CLEC16A: variants seen among roughly 807,000 people sequenced by gnomAD.
CLEC16A encodes protein CLEC16A.
Under a neutral mutation model 109.5 loss-of-function variants are expected in CLEC16A, and 51 were observed. The observed-to-expected ratio is 0.47, with a 90% CI of 0.37 to 0.59. The LOEUF (loss-of-function observed/expected upper bound fraction) is 0.59, where lower values mean the gene tolerates loss of function less well. Ranked by LOEUF, CLEC16A falls within the 20% of genes least tolerant of loss-of-function variation. CLEC16A has a pLI of 0.00. For synonymous variants in CLEC16A, 673 were observed against 564.2 expected (o/e 1.19, Z -2.73); for missense variants, 1,339 against 1,394.0 (o/e 0.96, Z 0.63).
In CLEC16A at chr16:10,961,816, C is replaced by T. The variant is rs114857226; in HGVS notation, c.210-639C>T. ...CTTTTTTAGTCTTCTGTTGTTTTTA[C>T]GACCCTGAAAGTTTTGAGAAATGCT... On this transcript the variant is annotated intron_variant, in intron 2 of 23. Coordinates refer to ENST00000409790, the MANE Select transcript of CLEC16A (RefSeq NM_015226.3). This position sits in a 1 kb window ranked among gnomAD's most constrained non-coding sequence, Gnocchi z 4.3. Among the ~76,000 whole-genome samples, 78 of 152,264 alleles carry T rather than the reference C, an allele frequency of 5.1e-4. 1 individual carries two copies. Among genetic ancestry groups the T allele is most frequent in the African/African-American group, 1.3e-3 (54 of 41,546 alleles).
intron 19 of CLEC16A, among the ~76,000 whole-genome samples, chr16:11,089,658 G>A (rs564239664): frequency 1.1e-4 from 16 of 152,320 alleles, no homozygotes; most frequent in African/African-American, 3.6e-4. Flanking sequence ...TGCTGAGCAT[G>A]TCCACCTGGT....
chr16:11,132,799 C>T (rs1217522301), intron 22 of CLEC16A, among the ~76,000 whole-genome samples: 1 of 152,144 alleles, frequency 6.6e-6, no homozygotes, highest in East Asian at 1.9e-4. Flanking sequence ...TCATGGATGC[C>T]TATGAAGTAG....
chr16:11,055,999 A>G (rs1180999341), intron 18 of CLEC16A, among the ~76,000 whole-genome samples: 1 of 152,186 alleles, frequency 6.6e-6, no homozygotes, highest in Admixed American at 6.5e-5. Flanking sequence ...TGATGAGCAA[A>G]TAATATAAAA....
chr16:11,003,046 AC>A, intron 10 of CLEC16A, 27 bp from the exon 11 acceptor site: 1 of 1,568,370 alleles, frequency 6.4e-7, no homozygotes, highest in South Asian at 1.2e-5. Context: ...GTTCAAATTC[AC>A]CTGTTGCCTT....
At chr16:11,013,997 T>G (rs557400713) in intron 11 of CLEC16A, among the ~76,000 whole-genome samples, 10 of 152,278 alleles carry the variant, frequency 6.6e-5, no homozygotes, top group African/African-American at 2.4e-4. Flanking sequence ...ATTTCCAGTT[T>G]AGGCTTCTTC....
At chr16:11,126,313 A>C in intron 22 of CLEC16A, 167 bp downstream of exon 22, 2 of 1,504,648 alleles carry the variant, frequency 1.3e-6, no homozygotes, top group Non-Finnish European at 1.8e-6. Flanking sequence ...GATTAAACAC[A>C]GCCCCCAAAA....
At chr16:10,962,735 G>C in intron 3 of CLEC16A, 147 bp downstream of exon 3, 1 of 917,780 alleles carries the variant, frequency 1.1e-6, no homozygotes, top group East Asian at 2.4e-5. Context: ...AAACAATAGA[G>C]ATTTGTTTTC....
At chr16:11,063,352 A>T (rs540939571) in intron 19 of CLEC16A, among the ~76,000 whole-genome samples, 145 of 150,450 alleles carry the variant, frequency 9.6e-4, no homozygotes, top group African/African-American at 3.4e-3. Context: ...TTGTGGGGGA[A>T]AATCACCCTA....
At chr16:10,947,262 C>T (rs574078053) in intron 1 of CLEC16A, among the ~76,000 whole-genome samples, 2 of 152,222 alleles carry the variant, frequency 1.3e-5, no homozygotes, top group Admixed American at 6.5e-5. Flanking sequence ...CCAGTGCCCA[C>T]CCTGGGGCTT....
Position 11,174,381 on chromosome 16 carries a change from G to A in CLEC16A, c.2807-3954G>A, listed in dbSNP as rs770997223. ...TGGCAAGGTGGGCCAAGCTGGGCCT[G>A]AGCACAGAGCCATTTGCCAAGGCGG... On this transcript the variant is annotated intron_variant, in intron 23 of 23. Transcript: ENST00000409790. This position sits in a 1 kb window ranked among gnomAD's most constrained non-coding sequence, Gnocchi z 4.7. 87 of 361,382 alleles carry A rather than the reference G, an allele frequency of 2.4e-4. No individual in the cohort carries two copies. The highest frequency in any genetic ancestry group is 1.9e-3 in the Middle Eastern group (2 of 1,064). The allele number at this position is 361,382 out of a possible 1,614,324, so 22.4% of individuals were successfully genotyped here.
intron 3 of CLEC16A, among the ~76,000 whole-genome samples, chr16:10,968,484 A>G (rs1486424863): frequency 1.3e-5 from 2 of 152,026 alleles, no homozygotes; most frequent in African/African-American, 4.8e-5. Context: ...CCCAGTTTTC[A>G]TTGTTGGGCC....
chr16:11,090,788 G>A (rs1597353873), intron 19 of CLEC16A, among the ~76,000 whole-genome samples: 1 of 150,796 alleles, frequency 6.6e-6, no homozygotes, highest in Non-Finnish European at 1.5e-5. Flanking sequence ...GGGATTACAG[G>A]CATGCGCTAC....
intron 19 of CLEC16A, among the ~76,000 whole-genome samples, chr16:11,094,622 A>C (rs2050499944): frequency 2.0e-5 from 3 of 152,232 alleles, no homozygotes; most frequent in Admixed American, 2.0e-4. Context: ...CTCTTTTTGC[A>C]TCTGAGTTCT....
intron 19 of CLEC16A, among the ~76,000 whole-genome samples, chr16:11,092,357 A>C (rs1362625648): frequency 1.2e-4 from 8 of 66,724 alleles, no homozygotes; most frequent in Admixed American, 1.1e-3. Flanking sequence ...AACAAACAAA[A>C]ACAAACACAC....
At chr16:11,152,077 A>G (rs2153080084) in intron 22 of CLEC16A, among the ~76,000 whole-genome samples, 1 of 152,336 alleles carries the variant, frequency 6.6e-6, no homozygotes, top group South Asian at 2.1e-4. Flanking sequence ...TGAACAGCAG[A>G]TGCCTAACTC....
chr16:10,974,857 T>C (rs1419405248), intron 7 of CLEC16A, among the ~76,000 whole-genome samples: 1 of 152,252 alleles, frequency 6.6e-6, no homozygotes, highest in African/African-American at 2.4e-5. Flanking sequence ...GGGAATGTTA[T>C]GACATCAACC....
At chr16:11,095,151 T>C (rs2050532833) in intron 19 of CLEC16A, among the ~76,000 whole-genome samples, 1 of 152,086 alleles carries the variant, frequency 6.6e-6, no homozygotes. Flanking sequence ...TGTGTGAGCT[T>C]GGGATCTTTG....
intron 22 of CLEC16A, among the ~76,000 whole-genome samples, chr16:11,141,464 G>T (rs565056040): frequency 6.6e-6 from 1 of 152,244 alleles, no homozygotes; most frequent in Admixed American, 6.5e-5. Flanking sequence ...GGTTCATGCC[G>T]CCAGAGCACG....
chr16:10,968,220 G>A (rs2042607022), intron 3 of CLEC16A, among the ~76,000 whole-genome samples: 1 of 152,230 alleles, frequency 6.6e-6, no homozygotes, highest in Non-Finnish European at 1.5e-5. Flanking sequence ...CCAACACTGA[G>A]ATATCAAACT....
Sources: allele counts gnomAD v4.1 joint callset (sites outside exome capture counted in the v4.1 genomes callset), GRCh38; gene constraint gnomAD v4.1.1; non-coding constraint Gnocchi (gnomAD v3.1); transcripts MANE v1.5; gene names NCBI Gene and HGNC (gene_info 2026-07-23, HGNC 2026-07-21).